The following CENPP variants were observed in gnomAD, a reference collection of about 807,000 sequenced individuals.
CENPP encodes centromere protein P.
Under a neutral mutation model 35.6 loss-of-function variants are expected in CENPP, and 24 were observed. That is an observed-to-expected ratio of 0.67 (90% CI 0.49 to 0.95). The LOEUF (loss-of-function observed/expected upper bound fraction) is 0.95, where lower values mean the gene tolerates loss of function less well. CENPP is among the 40% of genes least tolerant of loss of function. The pLI is 0.00. For synonymous variants in CENPP, 120 were observed against 125.5 expected, an observed-to-expected ratio of 0.96 and a Z score of 0.29; for missense variants, 332 against 345.3, an observed-to-expected ratio of 0.96 and a Z score of 0.31.
At chr9:92,601,075 G>A (rs1032363960) in intron 5 of CENPP, among the ~76,000 whole-genome samples, 6 of 152,148 alleles carry the variant, frequency 3.9e-5, no homozygotes, top group Admixed American at 1.3e-4. Flanking sequence ...TTGCGTGTCC[G>A]AGCCTCAGGA....
intron 5 of CENPP, among the ~76,000 whole-genome samples, chr9:92,514,159 G>T: frequency 6.9e-6 from 1 of 144,938 alleles, no homozygotes; most frequent in East Asian, 2.0e-4. Flanking sequence ...ACAGGATCTC[G>T]CTCTGTTGCC....
chr9:92,570,691 G>A (rs904228730), intron 5 of CENPP, among the ~76,000 whole-genome samples: 15 of 152,184 alleles, frequency 9.9e-5, no homozygotes, highest in Non-Finnish European at 2.2e-4. Context: ...GAATTCGGCT[G>A]TGAATCCGTC....
In CENPP at chr9:92,557,008, C is replaced by T. The variant is rs575112886; in HGVS notation, c.565-54306C>T. 2.0e-5 allele frequency among the ~76,000 whole-genome samples: 3 copies of T among 152,184 alleles called. No individual in the cohort carries two copies. The South Asian group carries it at 6.2e-4, about 32-fold the overall frequency. On this transcript the variant is annotated intron_variant, in intron 5 of 7. Coordinates refer to ENST00000375587, the MANE Select transcript of CENPP (RefSeq NM_001012267.3). The stretch of plus-strand genomic sequence containing the variant: ...AGATTTAGAGTTTCTTTTAGCAGTT[C>T]TTGTAGTGGTGGCTTAGTAGTGGCG...
At chr9:92,378,358 G>A (rs1842169814) in intron 4 of CENPP, among the ~76,000 whole-genome samples, 3 of 152,044 alleles carry the variant, frequency 2.0e-5, no homozygotes. Flanking sequence ...GTCTTTCCTG[G>A]GGCCTTTTGG....
At chr9:92,565,695 T>C (rs1175145448) in intron 5 of CENPP, among the ~76,000 whole-genome samples, 6 of 152,200 alleles carry the variant, frequency 3.9e-5, no homozygotes, top group Non-Finnish European at 7.3e-5. Flanking sequence ...GTCTCCACTT[T>C]CATTTTTTTA....
At position 92,616,099 on chromosome 9, in the gene CENPP, A is replaced by C; in HGVS notation, c.*2950A>C. The C allele has an allele frequency of 7.2e-7, 1 of 1,387,562 alleles. No homozygotes were observed. Among genetic ancestry groups the C allele is most frequent in the Non-Finnish European group, 1.0e-6 (1 of 988,530 alleles). The allele number at this position is 1,387,562 out of a possible 1,614,324, so 86.0% of individuals were successfully genotyped here. A position where few individuals can be genotyped will look rare whatever the true frequency, so the allele number is the denominator to read the frequency against. On this transcript the variant is annotated 3_prime_UTR_variant, in exon 8 of 8. Coordinates refer to ENST00000375587, the MANE Select transcript of CENPP (RefSeq NM_001012267.3). ...CCATTTCAGGATACACAAGCCCCCC[A>C]TTCATTTCCCTCCCTCCCGTTCTCT... is the stretch of plus-strand genomic sequence containing the variant.
intron 5 of CENPP, among the ~76,000 whole-genome samples, chr9:92,585,916 A>T (rs1850528851): frequency 1.3e-5 from 2 of 152,176 alleles, no homozygotes; most frequent in African/African-American, 4.8e-5. Flanking sequence ...GACCTTCTTT[A>T]AAAACTGTGG....
At chr9:92,602,597 C>T (rs905400948) in intron 5 of CENPP, among the ~76,000 whole-genome samples, 14 of 152,170 alleles carry the variant, frequency 9.2e-5, no homozygotes, top group African/African-American at 2.7e-4. Flanking sequence ...GAAGGAGAGA[C>T]GCAGTTGGGA....
rs184911338 is a variant in CENPP at position 92,359,727 on chromosome 9, A to G, written c.467+13940A>G. On this transcript the variant is annotated intron_variant, in intron 4 of 7. Transcript: ENST00000375587. ...AATGGCTGCCTGACTCTTTGTCTACACTTCTGTGATAAGAAGCCGCAGTGA... is the reference window on the plus strand; with the variant it reads ...AATGGCTGCCTGACTCTTTGTCTACGCTTCTGTGATAAGAAGCCGCAGTGA... Among the ~76,000 whole-genome samples, 16 of 151,944 alleles carry G rather than the reference A, an allele frequency of 1.1e-4. No individual in the cohort carries two copies. In the East Asian group the frequency reaches 1.2e-3, roughly 11 times the overall value.
intron 5 of CENPP, among the ~76,000 whole-genome samples, chr9:92,484,537 A>G (rs1588170983): frequency 6.6e-6 from 1 of 152,338 alleles, no homozygotes; most frequent in African/African-American, 2.4e-5. Flanking sequence ...GAGAGGTACT[A>G]TGAACGTTCC....
At chr9:92,608,333 C>CT (rs138832151) in intron 5 of CENPP, among the ~76,000 whole-genome samples, 6,020 of 152,260 alleles carry the variant, frequency 0.04, 184 homozygotes, top group South Asian at 0.11. Flanking sequence ...TTTCAATTCA[C>CT]TTTTTTTGTG....
intron 5 of CENPP, chr9:92,515,124 A>AGGTTC: frequency 6.2e-7 from 1 of 1,613,656 alleles, no homozygotes; most frequent in Non-Finnish European, 8.5e-7. Context: ...GTAAATTGGT[A>AGGTTC]GGTTCTCTTT....
intron 5 of CENPP, among the ~76,000 whole-genome samples, chr9:92,497,527 G>A (rs1197532607): frequency 1.2e-4 from 18 of 151,816 alleles, no homozygotes; most frequent in Admixed American, 1.2e-3. Flanking sequence ...GGGAGGCTGA[G>A]GCAACAGAAT....
At chr9:92,472,090 G>A (rs537937983) in intron 5 of CENPP, among the ~76,000 whole-genome samples, 242 of 152,192 alleles carry the variant, frequency 1.6e-3, no homozygotes, top group African/African-American at 4.9e-3. Context: ...GGTGCCTTAC[G>A]CCTGTAATCC....
upstream of CENPP, chr9:92,325,808 T>A (rs906376864): frequency 1.6e-5 from 9 of 550,834 alleles, no homozygotes; most frequent in Non-Finnish European, 2.6e-5. Flanking sequence ...AGTGGAGGAC[T>A]CAGGCTCTCG....
At chr9:92,441,603 A>C (rs1332689447) in intron 5 of CENPP, among the ~76,000 whole-genome samples, 1 of 152,068 alleles carries the variant, frequency 6.6e-6, no homozygotes, top group Non-Finnish European at 1.5e-5. Flanking sequence ...TACAAAAAAC[A>C]CAAAAGTCAG....
In CENPP at chr9:92,461,970, CTTTCT is replaced by C. The variant is rs962657875; in HGVS notation, c.564+82130_564+82134del. Among the ~76,000 whole-genome samples the C allele has an allele frequency of 1.8e-4, 28 of 151,724 alleles. 1 individual carries two copies. The highest frequency in any genetic ancestry group is 8.3e-4 in the South Asian group (4 of 4,796). ...TGTTCAGGTCATTGCAGTATTTATTCTTTCTTTTCTTTTCTTTTCTTTTTTGTGGC... is the reference window on the plus strand; with the variant it reads ...TGTTCAGGTCATTGCAGTATTTATTCTTTCTTTTCTTTTCTTTTTTGTGGC... On this transcript the variant is annotated intron_variant, in intron 5 of 7. Coordinates refer to ENST00000375587, the MANE Select transcript of CENPP (RefSeq NM_001012267.3).
intron 5 of CENPP, among the ~76,000 whole-genome samples, chr9:92,582,258 G>C (rs1013420686): frequency 1.3e-5 from 2 of 151,946 alleles, no homozygotes; most frequent in Admixed American, 6.6e-5. Flanking sequence ...GGGTTTTGCC[G>C]TGTTGCCCAG....
chr9:92,353,447 C>T (rs78588276), intron 4 of CENPP, among the ~76,000 whole-genome samples: 1 of 152,150 alleles, frequency 6.6e-6, no homozygotes, highest in East Asian at 1.9e-4. Context: ...TTCCCATTAA[C>T]CTTACTTACA....
Sources: allele counts gnomAD v4.1 joint callset (sites outside exome capture counted in the v4.1 genomes callset), GRCh38; gene constraint gnomAD v4.1.1; transcripts MANE v1.5; gene names NCBI Gene and HGNC (gene_info 2026-07-23, HGNC 2026-07-21).